The following LRRCC1 variants were observed in gnomAD, a reference collection of about 807,000 sequenced individuals.
LRRCC1 encodes the protein leucine rich repeat and coiled-coil centrosomal protein 1.
In LRRCC1, 115 loss-of-function variants were observed where a neutral mutation model predicts 126.0. That is an observed-to-expected ratio of 0.91 (90% confidence interval 0.78 to 1.07). The LOEUF (loss-of-function observed/expected upper bound fraction) is 1.07. Ranked by LOEUF, LRRCC1 falls within the 50% of genes least tolerant of loss-of-function variation. The pLI, the probability that LRRCC1 is intolerant of heterozygous loss-of-function variation, is 0.00. For synonymous variants in LRRCC1, 400 were observed against 393.4 expected (o/e 1.02, Z -0.20); for missense variants, 1,172 against 1,175.7 (o/e 1.00, Z 0.05).
intron 3 of LRRCC1, 35 bp downstream of exon 3, chr8:85,110,215 ATGT>A: frequency 2.2e-6 from 2 of 894,214 alleles, no homozygotes; most frequent in South Asian, 2.2e-5. Flanking sequence ...TGTATGCTAA[ATGT>A]TGTGCCACAT....
intron 7 of LRRCC1, among the ~76,000 whole-genome samples, chr8:85,123,946 T>G (rs1937562753): frequency 6.6e-6 from 1 of 152,144 alleles, no homozygotes; most frequent in African/African-American, 2.4e-5. Context: ...ACTAATAACA[T>G]TAGTTCAAAT....
At chr8:85,107,908 T>C (rs544457395) in intron 1 of LRRCC1, among the ~76,000 whole-genome samples, 6 of 152,348 alleles carry the variant, frequency 3.9e-5, no homozygotes, top group African/African-American at 7.2e-5. Flanking sequence ...TTACAGAACA[T>C]TGCAATACAT....
In LRRCC1 at chr8:85,109,800, G is replaced by A; in HGVS notation, c.310G>A (p.Gly104Arg). Residue 104 changes from glycine to arginine, a missense_variant and splice_region_variant, in exon 2 of 19, where the codon GGA becomes AGA. Transcript: ENST00000360375. ...CTGCAATTTGATTACAAAAGTAGAAGGTTTGTAAGTGATTTTCATTTAACA... is the reference window on the plus strand; with the variant it reads ...CTGCAATTTGATTACAAAAGTAGAAAGTTTGTAAGTGATTTTCATTTAACA... ...LSCNLITKVE[G>R]LEELINLTRL... 6.6e-7 allele frequency: 1 copy of A among 1,511,184 alleles called. No homozygotes were observed. The highest frequency in any genetic ancestry group is 9.0e-7 in the Non-Finnish European group (1 of 1,106,066). 93.6% of individuals were successfully genotyped at this position (1,511,184 alleles called of 1,614,324 possible). A position where few individuals can be genotyped will look rare whatever the true frequency, so the allele number is the denominator to read the frequency against.
At chr8:85,107,547 T>C (rs1213251458) in intron 1 of LRRCC1, 148 bp downstream of exon 1, 2 of 639,320 alleles carry the variant, frequency 3.1e-6, no homozygotes, top group Non-Finnish European at 5.1e-6. Flanking sequence ...TCCCCGCTCC[T>C]CCAAAACTTA....
chr8:85,145,258 T>C (rs1010043439), intron 18 of LRRCC1, 131 bp from the exon 19 acceptor site: 1 of 651,832 alleles, frequency 1.5e-6, no homozygotes, highest in South Asian at 2.5e-5. Context: ...TACATTTTAC[T>C]GACATTTCTT....
intron 6 of LRRCC1, among the ~76,000 whole-genome samples, chr8:85,120,766 T>G (rs528161420): frequency 8.5e-5 from 13 of 152,360 alleles, no homozygotes; most frequent in African/African-American, 2.6e-4. Flanking sequence ...TCATCCATAT[T>G]GTAGCATATA....
At position 85,141,511 on chromosome 8, in the gene LRRCC1, T is replaced by C; in HGVS notation, c.2970T>C (p.Asn990=). The stretch of plus-strand genomic sequence containing the variant: ...AGCAGAAGTGTATTGATTCTGCAAA[T>C]TTAAAGGTATTGTAAGTAAAATTCA... ...NEKQKCIDSA[N]LKVHQIEKEM... is the part of the protein sequence containing the mutation. Residue 990 remains asparagine, a synonymous_variant, in exon 18 of 19, where the codon AAT becomes AAC. Transcript: ENST00000360375. The C allele has an allele frequency of 6.2e-7, 1 of 1,602,818 alleles. No individual in the cohort carries two copies. Among genetic ancestry groups the C allele is most frequent in the Non-Finnish European group, 8.5e-7 (1 of 1,173,040 alleles).
intron 18 of LRRCC1, among the ~76,000 whole-genome samples, chr8:85,143,419 C>T (rs746973473): frequency 1.3e-5 from 2 of 152,032 alleles, no homozygotes; most frequent in Admixed American, 1.3e-4. Flanking sequence ...GGAAGGATCA[C>T]TCAAGACCAG....
chr8:85,110,032 A>G (rs2135912080), intron 2 of LRRCC1, 83 bp from the exon 3 acceptor site: 1 of 671,152 alleles, frequency 1.5e-6, no homozygotes, highest in South Asian at 2.0e-5. Context: ...GAACAGTCTG[A>G]AATAACATTG....
intron 17 of LRRCC1, 119 bp from the exon 18 acceptor site, chr8:85,141,263 A>C: frequency 1.4e-6 from 1 of 690,164 alleles, no homozygotes. Context: ...ATATTTTCAT[A>C]ATACTGAGTT....
intron 6 of LRRCC1, among the ~76,000 whole-genome samples, chr8:85,116,167 A>G (rs1441502889): frequency 6.6e-6 from 1 of 152,162 alleles, no homozygotes. Flanking sequence ...ATTTACTGCT[A>G]TTCAGGTCTC....
Position 85,138,355 on chromosome 8 carries a change from G to A in LRRCC1, c.2720G>A (p.Trp907Ter). Residue 907 changes from tryptophan (W) to a stop codon, truncating the protein, a stop_gained, in exon 17 of 19, where the codon TGG (tryptophan) becomes TAG (stop). Transcript: ENST00000360375. LOFTEE classifies it high-confidence loss of function. The stretch of plus-strand genomic sequence containing the variant: ...CATATTAGTACACTGAATCGGAAGT[G>A]GCATGATAAAGGAGAACTTCTATGT... ...RKAYSTLNRKWHDKGELLCHL... is the reference protein window; with the variant it reads ...RKAYSTLNRK The A allele has an allele frequency of 6.2e-7, 1 of 1,606,354 alleles. No individual in the cohort carries two copies. The highest frequency in any genetic ancestry group is 8.5e-7 in the Non-Finnish European group (1 of 1,177,634).
At chr8:85,129,418 C>A in intron 10 of LRRCC1, 39 bp downstream of exon 10, 1 of 1,486,724 alleles carries the variant, frequency 6.7e-7, no homozygotes, top group Non-Finnish European at 9.2e-7. Context: ...CACAGATTAA[C>A]ACAAATTCAT....
chr8:85,114,867 A>G (rs1808981926), intron 4 of LRRCC1, among the ~76,000 whole-genome samples: 2 of 152,238 alleles, frequency 1.3e-5, no homozygotes, highest in Non-Finnish European at 2.9e-5. Flanking sequence ...TTTGAACTTC[A>G]TCAGGAGGGT....
intron 11 of LRRCC1, among the ~76,000 whole-genome samples, chr8:85,130,465 G>C (rs1000411185): frequency 1.3e-5 from 2 of 152,056 alleles, no homozygotes; most frequent in Non-Finnish European, 2.9e-5. Flanking sequence ...TTTAAAGATA[G>C]TGATTGAGCA....
intron 18 of LRRCC1, among the ~76,000 whole-genome samples, chr8:85,144,432 G>A (rs866962971): frequency 7.7e-4 from 15 of 19,568 alleles, no homozygotes; most frequent in African/African-American, 6.8e-3. Flanking sequence ...GTGTGTATGT[G>A]TGTGTGTGTG....
chr8:85,131,823 A>G lies in LRRCC1; in HGVS notation c.1830A>G (p.Glu610=). The part of the protein sequence containing the change: ...DADFQDALAK[E]IAKEEKKHEQ... ...ACTTCCAGGATGCCTTAGCTAAAGA[A>G]ATAGCCAAAGAAGAGAAAAAGCATG... Residue 610 remains glutamate, a synonymous_variant, in exon 12 of 19, where the codon GAA becomes GAG. Coordinates refer to ENST00000360375, the MANE Select transcript of LRRCC1 (RefSeq NM_033402.5). 1 of 1,613,884 alleles carries G rather than the reference A, an allele frequency of 6.2e-7. No individual in the cohort carries two copies. The highest frequency in any genetic ancestry group is 8.5e-7 in the Non-Finnish European group (1 of 1,179,890).
intron 7 of LRRCC1, 77 bp from the exon 8 acceptor site, chr8:85,124,715 A>G: frequency 5.4e-6 from 5 of 918,910 alleles, no homozygotes; most frequent in Non-Finnish European, 7.9e-6. Flanking sequence ...TGCATATACA[A>G]CTAGAAATGT....
intron 7 of LRRCC1, among the ~76,000 whole-genome samples, chr8:85,124,058 C>T (rs1809773423): frequency 6.6e-6 from 1 of 152,042 alleles, no homozygotes; most frequent in Non-Finnish European, 1.5e-5. Flanking sequence ...AAAGTCAAAT[C>T]CTAGTCAGAT....
Sources: allele counts gnomAD v4.1 joint callset (sites outside exome capture counted in the v4.1 genomes callset), GRCh38; gene constraint gnomAD v4.1.1; transcripts MANE v1.5; gene names NCBI Gene and HGNC (gene_info 2026-07-23, HGNC 2026-07-21).